The following GLIS1 variants were observed in gnomAD, a reference collection of about 807,000 sequenced individuals.
GLIS1 encodes the protein GLIS family zinc finger 1.
GLIS1 carries 24 observed loss-of-function variants against 63.8 expected under a neutral mutation model. The observed-to-expected ratio is 0.38, with a 90% CI of 0.27 to 0.53. The LOEUF is 0.53. Among genes scored for constraint, GLIS1 ranks in the 20% least tolerant of loss-of-function variants. The pLI is 0.85. For synonymous variants in GLIS1, 450 were observed against 482.5 expected, an observed-to-expected ratio of 0.93 and a Z score of 0.88; for missense variants, 1,036 against 1,074.1, an observed-to-expected ratio of 0.96 and a Z score of 0.50.
chr1:53,639,677 C>A lies in GLIS1; in HGVS notation c.260-39399G>T, dbSNP rs560395578. Among the ~76,000 whole-genome samples the A allele has an allele frequency of 8.0e-4, 121 of 152,090 alleles. No individual in the cohort carries two copies. Among genetic ancestry groups the A allele is most frequent in the African/African-American group, 2.7e-3 (113 of 41,476 alleles). ...TTTTTTCCAGCCCGCTATCCTGGGC[C>A]GACAGCATACTCAGGTTTACTCAGT... On this transcript the variant is annotated intron_variant, in intron 2 of 10. Transcript: ENST00000628545. This position sits in a 1 kb window ranked among gnomAD's most constrained non-coding sequence, Gnocchi z 4.6.
At chr1:53,555,595 T>C (rs1406218581) in intron 4 of GLIS1, among the ~76,000 whole-genome samples, 1 of 152,168 alleles carries the variant, frequency 6.6e-6, no homozygotes, top group African/African-American at 2.4e-5. Flanking sequence ...AAAGGATAAA[T>C]GCTTGAGGTA....
At chr1:53,582,128 A>G (rs1645091341) in intron 4 of GLIS1, among the ~76,000 whole-genome samples, 2 of 152,264 alleles carry the variant, frequency 1.3e-5, no homozygotes, top group East Asian at 1.9e-4. Flanking sequence ...AGGGCTTCCA[A>G]CTTCATCTAA....
chr1:53,723,100 T>C (rs1646772363), intron 2 of GLIS1, among the ~76,000 whole-genome samples: 1 of 151,628 alleles, frequency 6.6e-6, no homozygotes, highest in South Asian at 2.1e-4. Context: ...GACACTGCAC[T>C]CCAGCCTGGG....
chr1:53,693,516 A>C (rs1174392619), intron 2 of GLIS1, among the ~76,000 whole-genome samples: 3 of 151,982 alleles, frequency 2.0e-5, no homozygotes, highest in African/African-American at 7.3e-5. Flanking sequence ...ACCACATCCC[A>C]TCCTGGTCCC....
intron 2 of GLIS1, among the ~76,000 whole-genome samples, chr1:53,622,528 T>C (rs1305353299): frequency 6.6e-6 from 1 of 151,984 alleles, no homozygotes. Context: ...AAAAGGGTAT[T>C]GGCAGATGCA....
intron 2 of GLIS1, among the ~76,000 whole-genome samples, chr1:53,677,027 G>A (rs76672323): frequency 0.011 from 1,707 of 152,204 alleles, 25 homozygotes; most frequent in African/African-American, 0.039. Context: ...TGACATACAC[G>A]GAGCCCCTAG....
At chr1:53,606,773 G>A (rs376651899) in intron 2 of GLIS1, among the ~76,000 whole-genome samples, 14 of 152,222 alleles carry the variant, frequency 9.2e-5, no homozygotes, top group African/African-American at 3.4e-4. Context: ...CTCCAGAACA[G>A]CAGGCCTGAC....
chr1:53,677,700 G>T (rs984414079), intron 2 of GLIS1, among the ~76,000 whole-genome samples: 1 of 152,260 alleles, frequency 6.6e-6, no homozygotes, highest in Non-Finnish European at 1.5e-5. Flanking sequence ...GCACCCGCGA[G>T]GAGCACCTTC....
intron 2 of GLIS1, among the ~76,000 whole-genome samples, chr1:53,694,518 C>A (rs1457573446): frequency 3.3e-5 from 5 of 152,188 alleles, no homozygotes; most frequent in Admixed American, 6.5e-5. Context: ...CCAAGCTGGG[C>A]CCAGCCCATG....
chr1:53,712,926 A>C (rs1646660542), intron 2 of GLIS1, among the ~76,000 whole-genome samples: 1 of 152,238 alleles, frequency 6.6e-6, no homozygotes, highest in South Asian at 2.1e-4. Context: ...CGGACCCAGG[A>C]AGGCAGAAAC....
chr1:53,546,795 C>G (rs1459243799), intron 4 of GLIS1, among the ~76,000 whole-genome samples: 2 of 152,254 alleles, frequency 1.3e-5, no homozygotes, highest in Non-Finnish European at 2.9e-5. Context: ...CAAGCTTCAG[C>G]TCATAAGCCA....
intron 2 of GLIS1, among the ~76,000 whole-genome samples, chr1:53,693,558 C>G (rs1455006039): frequency 6.6e-6 from 1 of 152,230 alleles, no homozygotes; most frequent in Non-Finnish European, 1.5e-5. Flanking sequence ...CCCCCACAGC[C>G]CAGCCTCTCA....
chr1:53,690,762 T>C (rs1031489746), intron 2 of GLIS1, among the ~76,000 whole-genome samples: 1 of 152,126 alleles, frequency 6.6e-6, no homozygotes, highest in Non-Finnish European at 1.5e-5. Flanking sequence ...GGCAGAGGGG[T>C]TGGCATCACT....
chr1:53,685,711 T>C (rs2100442022), intron 2 of GLIS1, among the ~76,000 whole-genome samples: 1 of 152,284 alleles, frequency 6.6e-6, no homozygotes, highest in African/African-American at 2.4e-5. Flanking sequence ...CAGTCAGTTG[T>C]CAGGTCTCAA....
chr1:53,557,679 G>A (rs575389608), intron 4 of GLIS1, among the ~76,000 whole-genome samples: 2 of 152,324 alleles, frequency 1.3e-5, no homozygotes, highest in South Asian at 4.1e-4. Context: ...CAGCTACCAA[G>A]AAATATCTTG....
chr1:53,563,575 C>T (rs1357532001), intron 4 of GLIS1, among the ~76,000 whole-genome samples: 1 of 152,078 alleles, frequency 6.6e-6, no homozygotes, highest in African/African-American at 2.4e-5. Flanking sequence ...ATCAGAAAGA[C>T]AAGCAGCTAG....
At chr1:53,554,794 G>A (rs1464766751) in intron 4 of GLIS1, among the ~76,000 whole-genome samples, 3 of 152,214 alleles carry the variant, frequency 2.0e-5, no homozygotes, top group Non-Finnish European at 4.4e-5. Flanking sequence ...GAGAGCCACT[G>A]TGGGGCTCAG....
At chr1:53,673,020 C>T (rs966823930) in intron 2 of GLIS1, among the ~76,000 whole-genome samples, 12 of 152,196 alleles carry the variant, frequency 7.9e-5, no homozygotes, top group African/African-American at 2.9e-4. Flanking sequence ...GTGTCGGGTA[C>T]ATTACTCCCT....
chr1:53,631,498 G>A (rs918676456), intron 2 of GLIS1, among the ~76,000 whole-genome samples: 1 of 152,172 alleles, frequency 6.6e-6, no homozygotes. Context: ...TCACATTTTT[G>A]TTGTGTACCT....
Sources: allele counts gnomAD v4.1 joint callset (sites outside exome capture counted in the v4.1 genomes callset), GRCh38; gene constraint gnomAD v4.1.1; non-coding constraint Gnocchi (gnomAD v3.1); transcripts MANE v1.5; gene names NCBI Gene and HGNC (gene_info 2026-07-23, HGNC 2026-07-21).